The following LIX1 variants were observed in gnomAD, a reference collection of about 807,000 sequenced individuals.
LIX1 encodes protein limb expression 1 homolog.
In LIX1, 24 loss-of-function variants were observed where a neutral mutation model predicts 33.4. That is an observed-to-expected ratio of 0.72 (90% CI 0.52 to 1.01). The LOEUF (loss-of-function observed/expected upper bound fraction) is 1.01, where lower values mean the gene tolerates loss of function less well. Among genes scored for constraint, LIX1 ranks in the 50% least tolerant of loss-of-function variants. LIX1 has a pLI of 0.00. For missense variants in LIX1, 311 were observed against 339.2 expected (o/e 0.92, Z 0.65); for synonymous variants, 124 against 124.0 (o/e 1.00, Z 0.00).
rs1445938586 is a variant in LIX1 at position 97,093,237 on chromosome 5, T to C, written c.*1511A>G. 6.6e-6 allele frequency: 1 copy of C among 152,334 alleles called. No individual in the cohort carries two copies. The highest frequency in any genetic ancestry group is 1.5e-5 in the Non-Finnish European group (1 of 68,028). 9.4% of individuals were successfully genotyped at this position (152,334 alleles called of 1,614,324 possible). A position where few individuals can be genotyped will look rare whatever the true frequency, so the allele number is the denominator to read the frequency against. On this transcript the variant is annotated 3_prime_UTR_variant, in exon 6 of 6. Transcript: ENST00000274382. ...TACCTTTGTACATACTTATTAGATA[T>C]GAGGTTAAAATATCATATTTTATAA...
In LIX1 at chr5:97,124,597, C is replaced by T. The variant is rs1561501714; in HGVS notation, c.115G>A (p.Glu39Lys). 1 of 1,610,080 alleles carries T rather than the reference C, an allele frequency of 6.2e-7. No homozygotes were observed. The highest frequency in any genetic ancestry group is 8.5e-7 in the Non-Finnish European group (1 of 1,177,728). Reference protein sequence around the residue: ...NVVSMLQEFWESKQQQKAAFP... With the variant: ...NVVSMLQEFWKSKQQQKAAFP... ...GCAGCCTTCTGCTGCTGCTTGCTTTCCCAAAATTCCTGTAACATTGACACA... is the reference window on the plus strand; with the variant it reads ...GCAGCCTTCTGCTGCTGCTTGCTTTTCCAAAATTCCTGTAACATTGACACA... Residue 39 changes from glutamate (E) to lysine (K), a missense_variant, in exon 2 of 6, where the codon GAA becomes AAA. Coordinates refer to ENST00000274382, the MANE Select transcript of LIX1 (RefSeq NM_153234.5).
At chr5:97,141,036 G>A (rs1301313075) in intron 1 of LIX1, among the ~76,000 whole-genome samples, 1 of 151,944 alleles carries the variant, frequency 6.6e-6, no homozygotes, top group Non-Finnish European at 1.5e-5. Context: ...GTAAACAATC[G>A]CAGCAATTTA....
chr5:97,119,495 A>G (rs878905807), intron 2 of LIX1, among the ~76,000 whole-genome samples: 1 of 152,200 alleles, frequency 6.6e-6, no homozygotes, highest in Non-Finnish European at 1.5e-5. Flanking sequence ...TTCTCAAGTC[A>G]TATTTTGGAG....
intron 4 of LIX1, among the ~76,000 whole-genome samples, chr5:97,101,192 A>AT (rs1472191449): frequency 6.6e-6 from 1 of 152,164 alleles, no homozygotes; most frequent in East Asian, 1.9e-4. Context: ...TTTATCGTGA[A>AT]TTTTTGGCAT....
rs114392363 is a variant in LIX1 at position 97,130,296 on chromosome 5, G to T, written c.83-5667C>A. Among the ~76,000 whole-genome samples, 511 of 152,350 alleles carry T rather than the reference G, an allele frequency of 3.4e-3. 3 individuals carry two copies. Among genetic ancestry groups the T allele is most frequent in the African/African-American group, 0.012 (483 of 41,586 alleles). On this transcript the variant is annotated intron_variant, in intron 1 of 5. Transcript: ENST00000274382. The stretch of plus-strand genomic sequence containing the variant: ...GCCTCGTTGTGCCTTCCACCTCAGG[G>T]TCAGGAAGCTACAGTCGAAAACACA...
At chr5:97,129,287 C>A (rs1258523931) in intron 1 of LIX1, among the ~76,000 whole-genome samples, 1 of 152,134 alleles carries the variant, frequency 6.6e-6, no homozygotes, top group Non-Finnish European at 1.5e-5. Context: ...AAAGAAAGTG[C>A]ACGCCCTACC....
intron 1 of LIX1, among the ~76,000 whole-genome samples, chr5:97,131,396 A>G (rs1183875569): frequency 6.6e-6 from 1 of 151,852 alleles, no homozygotes; most frequent in Non-Finnish European, 1.5e-5. Context: ...ACCCACATGT[A>G]CCTCCTTTTC....
chr5:97,107,994 T>C (rs1301607877), intron 2 of LIX1, among the ~76,000 whole-genome samples: 1 of 152,202 alleles, frequency 6.6e-6, no homozygotes, highest in East Asian at 1.9e-4. Context: ...GTAGGTTCAT[T>C]AGTCTCTCTG....
At chr5:97,130,588 C>T (rs892164593) in intron 1 of LIX1, among the ~76,000 whole-genome samples, 1 of 152,164 alleles carries the variant, frequency 6.6e-6, no homozygotes, top group Non-Finnish European at 1.5e-5. Flanking sequence ...TTAACTTTCA[C>T]AAATCATCTT....
At chr5:97,112,798 TAA>T (rs534869921) in intron 2 of LIX1, among the ~76,000 whole-genome samples, 4,570 of 108,272 alleles carry the variant, frequency 0.042, 233 homozygotes, top group African/African-American at 0.12. Context: ...AAAATTAAAG[TAA>T]AAAAAAAAAA....
intron 1 of LIX1, among the ~76,000 whole-genome samples, chr5:97,134,933 T>C (rs1748141048): frequency 6.6e-6 from 1 of 152,178 alleles, no homozygotes; most frequent in Non-Finnish European, 1.5e-5. Flanking sequence ...TCTTGCTTTG[T>C]TCCCAGCAGA....
In LIX1 at chr5:97,129,677, A is replaced by G. The variant is rs143991501; in HGVS notation, c.83-5048T>C. ...TTATCCTGAGATACTCCGTAATATA[A>G]TAGAACTTAAGTTATTTTCATGCTG... On this transcript the variant is annotated intron_variant, in intron 1 of 5. Coordinates refer to ENST00000274382, the MANE Select transcript of LIX1 (RefSeq NM_153234.5). Among the ~76,000 whole-genome samples the G allele has an allele frequency of 2.4e-3, 368 of 152,356 alleles. 1 individual carries two copies. The highest frequency in any genetic ancestry group is 8.5e-3 in the African/African-American group (354 of 41,596).
chr5:97,114,026 G>A (rs1366582603), intron 2 of LIX1, among the ~76,000 whole-genome samples: 1 of 152,184 alleles, frequency 6.6e-6, no homozygotes, highest in Non-Finnish European at 1.5e-5. Context: ...GGAAAATAGA[G>A]AAAGGCCAAC....
chr5:97,113,206 C>T (rs1164633388), intron 2 of LIX1, among the ~76,000 whole-genome samples: 1 of 152,170 alleles, frequency 6.6e-6, no homozygotes, highest in Non-Finnish European at 1.5e-5. Flanking sequence ...GCTGATCCTC[C>T]AGCCCTGATC....
chr5:97,094,790 A>G lies in LIX1; in HGVS notation c.807T>C (p.Ser269=). Reference sequence around the variant, plus strand: ...GGGCCGTAAGGCTCAGCTGATCATCACTGGGTGAGGAAGTGTCAGGGTCAC... The same window carrying G: ...GGGCCGTAAGGCTCAGCTGATCATCGCTGGGTGAGGAAGTGTCAGGGTCAC... The part of the protein sequence containing the change: ...ICSDPDTSSP[S]DDQLSLTALC... Residue 269 remains serine (S), a synonymous_variant, in exon 6 of 6, where the codon AGT becomes AGC. Coordinates refer to ENST00000274382, the MANE Select transcript of LIX1 (RefSeq NM_153234.5). The G allele has an allele frequency of 6.2e-7, 1 of 1,614,122 alleles. No homozygotes were observed. Among genetic ancestry groups the G allele is most frequent in the Non-Finnish European group, 8.5e-7 (1 of 1,180,012 alleles).
chr5:97,102,375 AC>A (rs1030186172), intron 4 of LIX1, among the ~76,000 whole-genome samples: 1 of 152,016 alleles, frequency 6.6e-6, no homozygotes, highest in African/African-American at 2.4e-5. Flanking sequence ...GAAGCATTTA[AC>A]CCAGGCCACT....
chr5:97,094,920 C>CTCTCA lies in LIX1; in HGVS notation c.676_677insTGAGA (p.Arg226LeufsTer6). 6.2e-7 allele frequency: 1 copy of CTCTCA among 1,614,172 alleles called. No individual in the cohort carries two copies. The highest frequency in any genetic ancestry group is 1.1e-5 in the South Asian group (1 of 91,084). On this transcript the variant is annotated frameshift_variant, in exon 6 of 6. Transcript: ENST00000274382. LOFTEE classifies it high-confidence loss of function. Reference sequence around the variant, plus strand: ...TTCCTCCAACTGCCTCAGGGCCATTCGTAGCTCTTGAGAGACAATTCCTGG... The same window carrying CTCTCA: ...TTCCTCCAACTGCCTCAGGGCCATTCTCTCAGTAGCTCTTGAGAGACAATTCCTGG...
At chr5:97,097,298 A>G (rs367576828) in intron 4 of LIX1, among the ~76,000 whole-genome samples, 1 of 152,350 alleles carries the variant, frequency 6.6e-6, no homozygotes. Flanking sequence ...TTTTAGAGGA[A>G]TGGCTAAAGT....
rs1205761430 is a variant in LIX1, at chr5:97,142,570, T to C, written c.7A>G (p.Arg3Gly). MDRTLESLRHIIA... is the reference protein window; with the variant it reads MDGTLESLRHIIA... ...ATGTGTCTCAGAGATTCCAAGGTTC[T>C]GTCCATCTTGGGTCTGCCTGTGTGA... is the stretch of plus-strand genomic sequence containing the variant. The change falls in exon 1 of 6, where the codon AGA becomes GGA. Residue 3 changes from arginine to glycine, a missense_variant. By Grantham distance (125) the Arg-to-Gly change is moderately radical. Coordinates refer to ENST00000274382, the MANE Select transcript of LIX1 (RefSeq NM_153234.5). 2 of 1,613,924 alleles carry C rather than the reference T, an allele frequency of 1.2e-6. No individual in the cohort carries two copies. Among genetic ancestry groups the C allele is most frequent in the Non-Finnish European group, 8.5e-7 (1 of 1,179,784 alleles).
Sources: gnomAD v4.1 joint callset for allele counts (sites outside exome capture counted in the v4.1 genomes callset) on GRCh38, gnomAD v4.1.1 for gene constraint, MANE v1.5 for transcripts, NCBI Gene and HGNC (gene_info 2026-07-23, HGNC 2026-07-21) for gene names.